The following RUFY4 variants were observed in gnomAD, a reference collection of about 807,000 sequenced individuals.
RUFY4 encodes the protein RUN and FYVE domain containing 4.
Under a neutral mutation model 69.0 loss-of-function variants are expected in RUFY4, and 73 were observed. The observed-to-expected ratio is 1.06, with a 90% confidence interval of 0.88 to 1.29. The LOEUF (loss-of-function observed/expected upper bound fraction) is 1.29, where lower values mean the gene tolerates loss of function less well. RUFY4 is among the 50% of genes most tolerant of loss of function. RUFY4 has a pLI of 0.00. For missense variants in RUFY4, 770 were observed against 705.6 expected, an observed-to-expected ratio of 1.09 and a Z score of -1.03; for synonymous variants, 287 against 271.8, an observed-to-expected ratio of 1.06 and a Z score of -0.55.
chr2:218,084,116 T>C (rs1374923438), intron 9 of RUFY4, among the ~76,000 whole-genome samples: 4 of 152,130 alleles, frequency 2.6e-5, no homozygotes, highest in African/African-American at 7.2e-5. Flanking sequence ...TCCTGCCCTT[T>C]AGTTGAGTAG....
upstream of RUFY4, among the ~76,000 whole-genome samples, chr2:218,064,411 CA>C (rs1251576602): frequency 6.6e-6 from 1 of 152,236 alleles, no homozygotes; most frequent in African/African-American, 2.4e-5. Flanking sequence ...AAGCCAACCC[CA>C]AGTTGGGTCT....
chr2:218,075,629 A>G, exon 7 of RUFY4: 1 of 1,519,108 alleles, frequency 6.6e-7, no homozygotes, highest in African/African-American at 1.4e-5. Flanking sequence ...TCCTTCAGGG[A>G]CACGCAACAA....
intron 2 of RUFY4, among the ~76,000 whole-genome samples, chr2:218,050,682 G>A (rs1164094720): frequency 6.6e-6 from 1 of 152,168 alleles, no homozygotes; most frequent in Admixed American, 6.5e-5. Context: ...CCTGGGTTTG[G>A]TAGCCAGACA....
At chr2:218,088,257 G>C (rs1266720243) in intron 9 of RUFY4, among the ~76,000 whole-genome samples, 1 of 152,040 alleles carries the variant, frequency 6.6e-6, no homozygotes, top group Admixed American at 6.6e-5. Flanking sequence ...ACTTTGGGAG[G>C]TTGAGGCAGG....
intron 2 of RUFY4, among the ~76,000 whole-genome samples, chr2:218,052,737 T>C (rs1574496574): frequency 6.8e-6 from 1 of 147,458 alleles, no homozygotes; most frequent in East Asian, 1.9e-4. Context: ...TCTCACTTTT[T>C]TTTTTTTTAA....
At chr2:218,053,385 A>G (rs1428919298) in intron 2 of RUFY4, among the ~76,000 whole-genome samples, 2 of 147,224 alleles carry the variant, frequency 1.4e-5, no homozygotes, top group African/African-American at 2.5e-5. Context: ...TCACTTTGTC[A>G]CTCAGGCTGG....
chr2:218,072,240 A>G, intron 2 of RUFY4, 134 bp from the exon 5 acceptor site: 1 of 1,062,250 alleles, frequency 9.4e-7, no homozygotes, highest in Non-Finnish European at 1.3e-6. Flanking sequence ...CAGTAAGGAC[A>G]GGGCTGGGTC....
chr2:218,066,639 A>G (rs994225233), upstream of RUFY4, among the ~76,000 whole-genome samples: 2 of 152,176 alleles, frequency 1.3e-5, no homozygotes, highest in African/African-American at 4.8e-5. Context: ...GGTCTCATAT[A>G]CCCTCCACCA....
intron 2 of RUFY4, among the ~76,000 whole-genome samples, chr2:218,055,288 G>A (rs1217798365): frequency 2.0e-5 from 3 of 152,014 alleles, no homozygotes; most frequent in Non-Finnish European, 2.9e-5. Flanking sequence ...CCAGCTACAC[G>A]GGAGGCTGAG....
upstream of RUFY4, among the ~76,000 whole-genome samples, chr2:218,068,029 C>T (rs1406657981): frequency 7.2e-6 from 1 of 138,846 alleles, no homozygotes. Context: ...CAGCGCCACA[C>T]CTGTACCAGG....
chr2:218,075,551 T>C lies in RUFY4; in HGVS notation c.1059T>C (p.Ala353=), dbSNP rs778087508. 1.4e-5 allele frequency: 22 copies of C among 1,536,710 alleles called. No individual in the cohort carries two copies. In the South Asian group the frequency reaches 2.3e-4, roughly 16 times the overall value. ...TGCTGATGCCCAGCCCCAGAGGGGC[T>C]GTAGAGGGAGCAGTATCAGGGAGCA... Residue 353 remains alanine, a synonymous_variant, in exon 7 of 11, where the codon GCT becomes GCC. Coordinates refer to ENST00000344321, the Ensembl canonical transcript of RUFY4.
upstream of RUFY4, among the ~76,000 whole-genome samples, chr2:218,066,678 A>G (rs1221503686): frequency 6.6e-6 from 1 of 152,262 alleles, no homozygotes; most frequent in African/African-American, 2.4e-5. Flanking sequence ...GTCTTACATT[A>G]CGTGCCACAT....
chr2:218,037,470 G>A (rs748079990), intron 2 of RUFY4, among the ~76,000 whole-genome samples: 1 of 152,170 alleles, frequency 6.6e-6, no homozygotes, highest in African/African-American at 2.4e-5. Flanking sequence ...TAATTTGTTT[G>A]CAAAATAAGT....
Position 218,075,442 on chromosome 2 carries a change from CA to C in RUFY4, c.951del (p.Val319PhefsTer28). 2.5e-6 allele frequency: 4 copies of C among 1,610,844 alleles called. No homozygotes were observed. Among genetic ancestry groups the C allele is most frequent in the Non-Finnish European group, 3.4e-6 (4 of 1,178,094 alleles). ...GTGATAGGGATGGAGGCTGAGGTCA[CA>C]GGGGTTCTGCTGGTTGCAGAGGGTC... On this transcript the variant is annotated frameshift_variant, in exon 7 of 11. Transcript: ENST00000344321. LOFTEE classifies it high-confidence loss of function.
At chr2:218,062,893 C>G (rs1368382822) in intron 3 of RUFY4, among the ~76,000 whole-genome samples, 5 of 152,182 alleles carry the variant, frequency 3.3e-5, no homozygotes, top group Non-Finnish European at 7.3e-5. Context: ...GGAACGGCGG[C>G]AGGAAGCAGA....
rs181883775 is a variant in RUFY4 at position 218,050,162 on chromosome 2, C to T, written c.-1157-8433C>T. Among the ~76,000 whole-genome samples, 12 of 152,290 alleles carry T rather than the reference C, an allele frequency of 7.9e-5. No homozygotes were observed. In the East Asian group the frequency reaches 2.1e-3, roughly 27 times the overall value. On this transcript the variant is annotated intron_variant and NMD_transcript_variant, in intron 2 of 13. Coordinates refer to the RUFY4 transcript ENST00000457754. Reference sequence around the variant, plus strand: ...AGCAAGTATTCCTCCATTTTTAGCCCATAAAAATCCCAGACTCAGCCTCAC... The same window carrying T: ...AGCAAGTATTCCTCCATTTTTAGCCTATAAAAATCCCAGACTCAGCCTCAC...
intron 2 of RUFY4, among the ~76,000 whole-genome samples, chr2:218,054,347 G>C (rs1288177502): frequency 6.6e-6 from 1 of 152,104 alleles, no homozygotes; most frequent in East Asian, 1.9e-4. Flanking sequence ...TTGAGGTCAG[G>C]TGCTCGAGAC....
chr2:218,042,463 A>C (rs541654073), intron 2 of RUFY4, among the ~76,000 whole-genome samples: 17 of 152,348 alleles, frequency 1.1e-4, no homozygotes, highest in African/African-American at 3.4e-4. Context: ...TTTCGAGCAA[A>C]GTATGGTCTT....
chr2:218,038,008 A>C (rs1041038305), intron 2 of RUFY4, among the ~76,000 whole-genome samples: 1 of 152,254 alleles, frequency 6.6e-6, no homozygotes, highest in Non-Finnish European at 1.5e-5. Context: ...AAAATTCATA[A>C]AAAACATTAT....
Sources: allele counts gnomAD v4.1 joint callset (sites outside exome capture counted in the v4.1 genomes callset), GRCh38; gene constraint gnomAD v4.1.1; transcripts MANE v1.5; gene names NCBI Gene and HGNC (gene_info 2026-07-23, HGNC 2026-07-21).